Variants in PIGZ observed in about 807,000 individuals in gnomAD.
PIGZ encodes the protein GPI alpha-1,2-mannosyltransferase 4.
A neutral mutation model predicts 16.4 loss-of-function variants in PIGZ; 16 were observed. The observed-to-expected ratio is 0.97, with a 90% CI of 0.66 to 1.48. The LOEUF (loss-of-function observed/expected upper bound fraction) is 1.48, where lower values mean the gene tolerates loss of function less well. Among genes scored for constraint, PIGZ ranks in the 40% most tolerant of loss-of-function variants. The probability of loss-of-function intolerance (pLI) is 0.00; values close to 1 mark genes in which losing one functional copy is unlikely to be tolerated. For missense variants in PIGZ, 770 were observed against 739.2 expected (o/e 1.04, Z -0.48); for synonymous variants, 409 against 338.4 (o/e 1.21, Z -2.29).
chr3:196,958,436 G>C (rs1001264348), intron 1 of PIGZ, among the ~76,000 whole-genome samples: 13 of 152,190 alleles, frequency 8.5e-5, no homozygotes, highest in African/African-American at 3.1e-4. Flanking sequence ...TTCAAGACCA[G>C]CCTGGCCAAC....
chr3:196,952,469 G>A (rs1457717015), intron 1 of PIGZ, among the ~76,000 whole-genome samples: 1 of 152,150 alleles, frequency 6.6e-6, no homozygotes, highest in Non-Finnish European at 1.5e-5. Context: ...ACGAAGTCTT[G>A]CTCTGTCACC....
intron 1 of PIGZ, among the ~76,000 whole-genome samples, chr3:196,958,352 C>T (rs1050317038): frequency 2.6e-5 from 4 of 152,130 alleles, no homozygotes; most frequent in East Asian, 3.8e-4. Flanking sequence ...ACTGTTAGGC[C>T]GGGCATGGTG....
chr3:196,946,847 T>G lies in PIGZ; in HGVS notation c.*310A>C. ...TTCATTGTCTTTTTTCACAACCAGGTACTATCACATATTTCAAACATCACA... is the reference window on the plus strand; with the variant it reads ...TTCATTGTCTTTTTTCACAACCAGGGACTATCACATATTTCAAACATCACA... On this transcript the variant is annotated 3_prime_UTR_variant, in exon 3 of 3. Transcript: ENST00000412723. 1 of 296,620 alleles carries G rather than the reference T, an allele frequency of 3.4e-6. No individual in the cohort carries two copies. Among genetic ancestry groups the G allele is most frequent in the Non-Finnish European group, 6.2e-6 (1 of 160,128 alleles). The allele number at this position is 296,620 out of a possible 1,614,324, so 18.4% of individuals were successfully genotyped here.
chr3:196,951,534 C>G (rs927147159), intron 2 of PIGZ: 8 of 475,006 alleles, frequency 1.7e-5, no homozygotes, highest in Non-Finnish European at 3.1e-5. Flanking sequence ...CATGGGAAGT[C>G]CAACACAGCT....
At chr3:196,960,704 A>G (rs905471195) in intron 1 of PIGZ, among the ~76,000 whole-genome samples, 11 of 148,176 alleles carry the variant, frequency 7.4e-5, no homozygotes, top group East Asian at 4.0e-4. Context: ...AAGAAAGAAG[A>G]AAGGAAGGAA....
At position 196,947,963 on chromosome 3, in the gene PIGZ, G is replaced by A; in HGVS notation, c.934C>T (p.His312Tyr). Reference sequence around the variant, plus strand: ...ACTGCCAGGTGAGTGAGCCGCGCGTGCGTGCCATGTCTCGCCAGGTTTTGG... The same window carrying A: ...ACTGCCAGGTGAGTGAGCCGCGCGTACGTGCCATGTCTCGCCAGGTTTTGG... ...NPQNLARHGT[H>Y]ARLTHLAVNG... The change falls in exon 3 of 3, where the codon CAC becomes TAC. Residue 312 changes from histidine (H) to tyrosine (Y), a missense_variant. Transcript: ENST00000412723. 1 of 1,611,054 alleles carries A rather than the reference G, an allele frequency of 6.2e-7. No homozygotes were observed. The highest frequency in any genetic ancestry group is 8.5e-7 in the Non-Finnish European group (1 of 1,178,216).
At chr3:196,952,284 G>T (rs1302066113) in intron 1 of PIGZ, among the ~76,000 whole-genome samples, 1 of 152,132 alleles carries the variant, frequency 6.6e-6, no homozygotes, top group Non-Finnish European at 1.5e-5. Context: ...GAGTAACTTG[G>T]TTACTTGCTG....
chr3:196,952,130 CAATA>C, intron 1 of PIGZ, 99 bp from the exon 2 acceptor site: 3 of 1,110,224 alleles, frequency 2.7e-6, no homozygotes, highest in Admixed American at 4.1e-5. Flanking sequence ...ATAAAAATGA[CAATA>C]ATAATAATAG....
At chr3:196,960,387 A>G (rs558538429) in intron 1 of PIGZ, among the ~76,000 whole-genome samples, 6 of 152,196 alleles carry the variant, frequency 3.9e-5, no homozygotes, top group Non-Finnish European at 7.3e-5. Context: ...AAAAGAAAAT[A>G]ACGGCTGGGA....
intron 2 of PIGZ, among the ~76,000 whole-genome samples, chr3:196,949,509 T>C (rs1347419583): frequency 2.6e-5 from 4 of 152,146 alleles, no homozygotes; most frequent in African/African-American, 9.7e-5. Context: ...TGAAATGAAC[T>C]AGATTCTGCT....
chr3:196,947,350 A>C lies in PIGZ; in HGVS notation c.1547T>G (p.Leu516Arg), dbSNP rs1191754068. Residue 516 changes from leucine (L) to arginine (R), a missense_variant, in exon 3 of 3, where the codon CTC becomes CGC. By Grantham distance (102) the Leu-to-Arg change is moderately radical. Transcript: ENST00000412723. ...PACQVAGGPW[L>R]CRLFVVTPGT... ...AGGGGTTACCACAAAGAGGCGGCAG[A>C]GCCATGGCCCACCAGCCACTTGGCA... The C allele has an allele frequency of 1.9e-6, 3 of 1,614,082 alleles. No homozygotes were observed. Among genetic ancestry groups the C allele is most frequent in the Non-Finnish European group, 1.7e-6 (2 of 1,180,050 alleles).
chr3:196,950,536 A>G (rs1191912875), intron 2 of PIGZ, among the ~76,000 whole-genome samples: 1 of 152,128 alleles, frequency 6.6e-6, no homozygotes, highest in Non-Finnish European at 1.5e-5. Context: ...TTATTTCTCC[A>G]GACTTTCAGC....
chr3:196,953,696 C>T (rs1250376460), intron 1 of PIGZ, among the ~76,000 whole-genome samples: 1 of 152,142 alleles, frequency 6.6e-6, no homozygotes, highest in Non-Finnish European at 1.5e-5. Context: ...AAATTCTGAC[C>T]TTAAATAGTT....
intron 1 of PIGZ, among the ~76,000 whole-genome samples, chr3:196,961,834 A>G (rs1339234744): frequency 1.3e-5 from 2 of 152,164 alleles, no homozygotes; most frequent in Non-Finnish European, 2.9e-5. Flanking sequence ...TGTACAATTC[A>G]ATGGTTTTTG....
rs745874843 is a variant in PIGZ at position 196,948,189 on chromosome 3, G to T, written c.708C>A (p.Val236=). The change falls in exon 3 of 3, where the codon GTC becomes GTA. Residue 236 remains valine, a synonymous_variant. Transcript: ENST00000412723. ...NRPTFLAFAV[V]PLYLWGTRGA... Reference sequence around the variant, plus strand: ...CACGAGTGCCCCAGAGGTAGAGGGGGACCACAGCAAAGGCCAGAAAGGTGG... The same window carrying T: ...CACGAGTGCCCCAGAGGTAGAGGGGTACCACAGCAAAGGCCAGAAAGGTGG... The T allele has an allele frequency of 4.3e-6, 7 of 1,614,110 alleles. No homozygotes were observed. Among genetic ancestry groups the T allele is most frequent in the South Asian group, 3.3e-5 (3 of 91,076 alleles).
In PIGZ at chr3:196,947,081, G is replaced by A. The variant is rs1479850241; in HGVS notation, c.*76C>T. ...GACGGGGTCCTGTCCCAGCGTCCCA[G>A]CCCAGCTACCCAAGTAGAAGGTGGG... On this transcript the variant is annotated 3_prime_UTR_variant, in exon 3 of 3. Coordinates refer to ENST00000412723, the MANE Select transcript of PIGZ (RefSeq NM_025163.4). 1 of 1,379,942 alleles carries A rather than the reference G, an allele frequency of 7.2e-7. No individual in the cohort carries two copies. The highest frequency in any genetic ancestry group is 2.3e-5 in the East Asian group (1 of 43,012). 85.5% of individuals were successfully genotyped at this position (1,379,942 alleles called of 1,614,324 possible).
In PIGZ at chr3:196,948,453, G is replaced by C. The variant is rs775023983; in HGVS notation, c.444C>G (p.Ala148=). The change falls in exon 3 of 3, where the codon GCC becomes GCG. Residue 148 remains alanine, a synonymous_variant. Coordinates refer to ENST00000412723, the MANE Select transcript of PIGZ (RefSeq NM_025163.4). The part of the protein sequence containing the change: ...FALDGAVYHL[A]PPMGADRWNA... Reference sequence around the variant, plus strand: ...TCCAGCGATCCGCCCCCATCGGCGGGGCCAGGTGGTACACGGCCCCGTCCA... The same window carrying C: ...TCCAGCGATCCGCCCCCATCGGCGGCGCCAGGTGGTACACGGCCCCGTCCA... 2 of 1,614,090 alleles carry C rather than the reference G, an allele frequency of 1.2e-6. No individual in the cohort carries two copies. Among genetic ancestry groups the C allele is most frequent in the South Asian group, 2.2e-5 (2 of 91,088 alleles).
In PIGZ at chr3:196,947,012, A is replaced by G. The variant is rs1716907630; in HGVS notation, c.*145T>C. 3 of 671,792 alleles carry G rather than the reference A, an allele frequency of 4.5e-6. No individual in the cohort carries two copies. In the South Asian group the frequency reaches 6.9e-5, roughly 16 times the overall value. The allele number at this position is 671,792 out of a possible 1,614,324, so 41.6% of individuals were successfully genotyped here. A position where few individuals can be genotyped will look rare whatever the true frequency, so the allele number is the denominator to read the frequency against. ...AGCTCACCCAGAAGGCAGAACAGCT[A>G]ACAGCCATGCCCAGGAGAGGCAGCA... On this transcript the variant is annotated 3_prime_UTR_variant, in exon 3 of 3. Transcript: ENST00000412723.
chr3:196,947,430 C>A lies in PIGZ; in HGVS notation c.1467G>T (p.Gly489=), dbSNP rs200103570. Reference sequence around the variant, plus strand: ...TTTGGCACAGGGCCCAGTCCTCAGTCCCCCCCATGTCCACCACCTCCACTG... The same window carrying A: ...TTTGGCACAGGGCCCAGTCCTCAGTACCCCCCATGTCCACCACCTCCACTG... The part of the protein sequence containing the change: ...GAPVEVVDMG[G]TEDWALCQTL... The change falls in exon 3 of 3, where the codon GGG becomes GGT. Residue 489 remains glycine, a synonymous_variant. Coordinates refer to ENST00000412723, the MANE Select transcript of PIGZ (RefSeq NM_025163.4). 400 of 1,613,412 alleles carry A rather than the reference C, an allele frequency of 2.5e-4. 5 individuals carry two copies. The East Asian group carries it at 7.7e-3, about 31-fold the overall frequency.
Sources: gnomAD v4.1 joint callset for allele counts (sites outside exome capture counted in the v4.1 genomes callset) on GRCh38, gnomAD v4.1.1 for gene constraint, MANE v1.5 for transcripts, NCBI Gene and HGNC (gene_info 2026-07-23, HGNC 2026-07-21) for gene names.